OLFML1: variants seen among roughly 807,000 people sequenced by gnomAD.
OLFML1 encodes olfactomedin like 1, also known as olfactomedin-like protein 1.
OLFML1 carries 33 observed loss-of-function variants against 37.3 expected under a neutral mutation model. The observed-to-expected ratio is 0.88, with a 90% CI of 0.67 to 1.18. The LOEUF (loss-of-function observed/expected upper bound fraction) is 1.18, where lower values mean the gene tolerates loss of function less well. OLFML1 is among the 50% of genes most tolerant of loss of function. OLFML1 has a pLI of 0.00. For synonymous variants in OLFML1, 186 were observed against 181.3 expected, an observed-to-expected ratio of 1.03 and a Z score of -0.21; for missense variants, 545 against 483.7, an observed-to-expected ratio of 1.13 and a Z score of -1.19.
chr11:7,498,918 C>T (rs1407148964), intron 2 of OLFML1, among the ~76,000 whole-genome samples: 1 of 152,248 alleles, frequency 6.6e-6, no homozygotes, highest in East Asian at 1.9e-4. Context: ...TTGGATAGCT[C>T]TCATCTGGAT....
chr11:7,503,619 A>C (rs1189559521), intron 2 of OLFML1, among the ~76,000 whole-genome samples: 2 of 152,168 alleles, frequency 1.3e-5, no homozygotes, highest in African/African-American at 4.8e-5. Flanking sequence ...TCTTTCAAGG[A>C]GTTTTAATAT....
intron 1 of OLFML1, among the ~76,000 whole-genome samples, chr11:7,487,542 T>G (rs1283114888): frequency 6.6e-6 from 1 of 152,262 alleles, no homozygotes; most frequent in Non-Finnish European, 1.5e-5. Context: ...CAAATATTTA[T>G]TGAATAGTAT....
Position 7,509,943 on chromosome 11 carries a change from C to T in OLFML1, c.964C>T (p.Leu322Phe). The change falls in exon 3 of 3, where the codon CTC becomes TTC. Residue 322 changes from leucine to phenylalanine, a missense_variant. Leu to Phe is a conservative substitution (Grantham distance 22). Transcript: ENST00000329293. ...AAGCCAGGATGCTGAAGCCTCATTCCTCTTGTGTGGGGTTCTCTATGTGGT... is the reference window on the plus strand; with the variant it reads ...AAGCCAGGATGCTGAAGCCTCATTCTTCTTGTGTGGGGTTCTCTATGTGGT... ...CRSQDAEASF[L>F]LCGVLYVVYS... 1 of 1,614,240 alleles carries T rather than the reference C, an allele frequency of 6.2e-7. No individual in the cohort carries two copies. Among genetic ancestry groups the T allele is most frequent in the Non-Finnish European group, 8.5e-7 (1 of 1,180,046 alleles).
At chr11:7,493,464 C>T (rs57013011) in intron 2 of OLFML1, among the ~76,000 whole-genome samples, 22,130 of 152,172 alleles carry the variant, frequency 0.15, 1,737 homozygotes, top group African/African-American at 0.18. Flanking sequence ...ATGTGTTTAC[C>T]ACAAAAGAAG....
In OLFML1 at chr11:7,486,065, C is replaced by T. The variant is rs139357531; in HGVS notation, c.129+61C>T. 1.1e-4 allele frequency: 165 copies of T among 1,511,410 alleles called. 1 individual carries two copies. In the African/African-American group the frequency reaches 1.9e-3, roughly 17 times the overall value. 93.6% of individuals were successfully genotyped at this position (1,511,410 alleles called of 1,614,324 possible). On this transcript the variant is annotated intron_variant, in intron 1 of 2. Coordinates refer to ENST00000329293, the MANE Select transcript of OLFML1 (RefSeq NM_198474.4). ...GCTTCCCAGAAGTACCTTATTTTTACCCATGCTTCTCTATCTACTGGGTTG... is the reference window on the plus strand; with the variant it reads ...GCTTCCCAGAAGTACCTTATTTTTATCCATGCTTCTCTATCTACTGGGTTG...
Position 7,485,793 on chromosome 11 carries a change from G to A in OLFML1, c.-83G>A. ...AGGATTTGCCACAGCAGCGGATAGA[G>A]CAGGAGAGCACCACCGGAGCCCTTG... On this transcript the variant is annotated 5_prime_UTR_variant, in exon 1 of 3. Transcript: ENST00000329293. 8 of 1,406,072 alleles carry A rather than the reference G, an allele frequency of 5.7e-6. No homozygotes were observed. The highest frequency in any genetic ancestry group is 7.9e-6 in the Non-Finnish European group (8 of 1,011,230). 87.1% of individuals were successfully genotyped at this position (1,406,072 alleles called of 1,614,324 possible). A position where few individuals can be genotyped will look rare whatever the true frequency, so the allele number is the denominator to read the frequency against.
chr11:7,490,132 T>TC (rs779756044), intron 2 of OLFML1, among the ~76,000 whole-genome samples: 1 of 37,896 alleles, frequency 2.6e-5, no homozygotes, highest in African/African-American at 8.6e-5. Flanking sequence ...TAGGCTTTGG[T>TC]GGGGGGGGGG....
Position 7,510,673 on chromosome 11 carries a change from T to C in OLFML1, c.*485T>C, listed in dbSNP as rs1045819770. The C allele has an allele frequency of 1.3e-5, 2 of 153,074 alleles. No homozygotes were observed. The highest frequency in any genetic ancestry group is 1.3e-4 in the Admixed American group (2 of 15,446). The allele number at this position is 153,074 out of a possible 1,614,324, so 9.5% of individuals were successfully genotyped here. A position where few individuals can be genotyped will look rare whatever the true frequency, so the allele number is the denominator to read the frequency against. On this transcript the variant is annotated 3_prime_UTR_variant, in exon 3 of 3. Transcript: ENST00000329293. ...AAATACTATTAATATTTCTTTCTTT[T>C]CTTTTCTTTTTTTTGAGACAAGGTC...
rs1242897836 is a variant in OLFML1 at position 7,509,611 on chromosome 11, T to C, written c.632T>C (p.Leu211Pro). The change falls in exon 3 of 3, where the codon CTT becomes CCT. Residue 211 changes from leucine to proline, a missense_variant. Leu to Pro is a moderately conservative substitution (Grantham distance 98). Coordinates refer to ENST00000329293, the MANE Select transcript of OLFML1 (RefSeq NM_198474.4). ...GCTCCCCGGAAGCAAATCCTAACAC[T>C]TTCCTGGCAGGGAACAGGCCAAGTG... ...KPAPRKQILT[L>P]SWQGTGQVIY... 1.2e-6 allele frequency: 2 copies of C among 1,614,220 alleles called. No individual in the cohort carries two copies. The highest frequency in any genetic ancestry group is 8.5e-7 in the Non-Finnish European group (1 of 1,180,034).
rs575247383 is a variant in OLFML1, at chr11:7,510,678, T to C, written c.*490T>C. On this transcript the variant is annotated 3_prime_UTR_variant, in exon 3 of 3. Coordinates refer to ENST00000329293, the MANE Select transcript of OLFML1 (RefSeq NM_198474.4). ...CTATTAATATTTCTTTCTTTTCTTTTCTTTTTTTTGAGACAAGGTCTCACT... is the reference window on the plus strand; with the variant it reads ...CTATTAATATTTCTTTCTTTTCTTTCCTTTTTTTTGAGACAAGGTCTCACT... 1.3e-5 allele frequency: 2 copies of C among 153,168 alleles called. No individual in the cohort carries two copies. The highest frequency in any genetic ancestry group is 4.8e-5 in the African/African-American group (2 of 41,562). 9.5% of individuals were successfully genotyped at this position (153,168 alleles called of 1,614,324 possible).
intron 2 of OLFML1, among the ~76,000 whole-genome samples, chr11:7,505,256 ACCCTTTCAAAGGAT>A (rs1455606244): frequency 2.0e-5 from 3 of 151,414 alleles, no homozygotes; most frequent in Non-Finnish European, 4.4e-5. Flanking sequence ...CTTATACCAA[ACCCTTTCAAAGGAT>A]TTGAAGGAGC....
intron 2 of OLFML1, among the ~76,000 whole-genome samples, chr11:7,489,433 T>C (rs1284394285): frequency 6.6e-6 from 1 of 151,600 alleles, no homozygotes; most frequent in African/African-American, 2.4e-5. Context: ...GTGAAAGCTT[T>C]TTAGAGAGGT....
At position 7,509,800 on chromosome 11, in the gene OLFML1, T is replaced by C; in HGVS notation, c.821T>C (p.Val274Ala). The C allele has an allele frequency of 6.2e-7, 1 of 1,614,224 alleles. No individual in the cohort carries two copies. Among genetic ancestry groups the C allele is most frequent in the Non-Finnish European group, 8.5e-7 (1 of 1,180,028 alleles). Residue 274 changes from valine to alanine, a missense_variant, in exon 3 of 3, where the codon GTG becomes GCG. Coordinates refer to ENST00000329293, the MANE Select transcript of OLFML1 (RefSeq NM_198474.4). The stretch of plus-strand genomic sequence containing the variant: ...CCCTCAACTTACATTGACCTGGCTG[T>C]GGATGAGCATGGGCTCTGGGCCATC... ...HSPSTYIDLA[V>A]DEHGLWAIHS...
chr11:7,496,880 C>T (rs1590060094), intron 2 of OLFML1, among the ~76,000 whole-genome samples: 2 of 152,124 alleles, frequency 1.3e-5, no homozygotes, highest in Non-Finnish European at 2.9e-5. Context: ...AAGCAAGACA[C>T]CATCTCTATA....
At chr11:7,503,022 T>C (rs1176266394) in intron 2 of OLFML1, among the ~76,000 whole-genome samples, 2 of 152,136 alleles carry the variant, frequency 1.3e-5, no homozygotes, top group Non-Finnish European at 2.9e-5. Flanking sequence ...TTGCCTGAAA[T>C]GGGAAAAGTA....
In OLFML1 at chr11:7,509,652, C is replaced by T. The variant is rs772213048; in HGVS notation, c.673C>T (p.Leu225=). 1 of 1,614,222 alleles carries T rather than the reference C, an allele frequency of 6.2e-7. No homozygotes were observed. The highest frequency in any genetic ancestry group is 8.5e-7 in the Non-Finnish European group (1 of 1,180,042). Residue 225 remains leucine, a synonymous_variant, in exon 3 of 3, where the codon CTA becomes TTA. Transcript: ENST00000329293. ...AGGCCAAGTGATCTACAAAGGTTTT[C>T]TATTTTTTCATAACCAAGCAACTTC... is the stretch of plus-strand genomic sequence containing the variant. ...GTGQVIYKGF[L]FFHNQATSNE...
In OLFML1 at chr11:7,485,959, C is replaced by T; in HGVS notation, c.84C>T (p.Asp28=). ...AFLPPPQCTQ[D]PAMVHYIYQR... ...TGCCCCCGCCGCAGTGTACCCAGGA[C>T]CCAGCCATGGTGCATTACATCTACC... Residue 28 remains aspartate, a synonymous_variant, in exon 1 of 3, where the codon GAC becomes GAT. Coordinates refer to ENST00000329293, the MANE Select transcript of OLFML1 (RefSeq NM_198474.4). 6.2e-7 allele frequency: 1 copy of T among 1,614,040 alleles called. No homozygotes were observed. Among genetic ancestry groups the T allele is most frequent in the African/African-American group, 1.3e-5 (1 of 75,036 alleles).
rs1019383832 is a variant in OLFML1, at chr11:7,510,952, G to A, written c.*764G>A. Reference sequence around the variant, plus strand: ...AGTGTTTGCACATCATTTAATTCTCGTTTCACCTTTGTGAAACATGCACAA... The same window carrying A: ...AGTGTTTGCACATCATTTAATTCTCATTTCACCTTTGTGAAACATGCACAA... On this transcript the variant is annotated 3_prime_UTR_variant, in exon 3 of 3. Coordinates refer to ENST00000329293, the MANE Select transcript of OLFML1 (RefSeq NM_198474.4). 1 of 152,066 alleles carries A rather than the reference G, an allele frequency of 6.6e-6. No homozygotes were observed. Among genetic ancestry groups the A allele is most frequent in the Non-Finnish European group, 1.5e-5 (1 of 68,018 alleles). 9.4% of individuals were successfully genotyped at this position (152,066 alleles called of 1,614,324 possible).
At chr11:7,491,703 T>C (rs538143256) in intron 2 of OLFML1, among the ~76,000 whole-genome samples, 3 of 149,644 alleles carry the variant, frequency 2.0e-5, no homozygotes, top group African/African-American at 4.8e-5. Flanking sequence ...AGATTTAGCA[T>C]CTTAAAACTA....
Sources: allele counts gnomAD v4.1 joint callset (sites outside exome capture counted in the v4.1 genomes callset), GRCh38; gene constraint gnomAD v4.1.1; transcripts MANE v1.5; gene names NCBI Gene and HGNC (gene_info 2026-07-23, HGNC 2026-07-21).